The following CAST variants were observed in gnomAD, a reference collection of about 807,000 sequenced individuals.
CAST encodes calpastatin, also known as MIR583 host.
A neutral mutation model predicts 119.6 loss-of-function variants in CAST; 76 were observed. That is an observed-to-expected ratio of 0.64 (90% CI 0.53 to 0.77). CAST has a LOEUF of 0.77. Among genes scored for constraint, CAST ranks in the 30% least tolerant of loss-of-function variants. The pLI is 0.00. For missense variants in CAST, 953 were observed against 946.5 expected (o/e 1.01, Z -0.09); for synonymous variants, 319 against 331.6 (o/e 0.96, Z 0.41).
intron 1 of CAST, among the ~76,000 whole-genome samples, chr5:96,530,522 G>T (rs1022564817): frequency 3.9e-5 from 6 of 152,274 alleles, no homozygotes; most frequent in Non-Finnish European, 7.3e-5. Flanking sequence ...ATGCACAGTA[G>T]AGACCTGTTA....
the CAST span, among the ~76,000 whole-genome samples, chr5:96,266,270 A>C: frequency 2.6e-5 from 4 of 151,994 alleles, no homozygotes; most frequent in African/African-American, 9.7e-5. Context: ...ATTTCCCCCA[A>C]CCCATGGTTT....
At chr5:96,072,841 T>C in the CAST span, among the ~76,000 whole-genome samples, 1 of 152,292 alleles carries the variant, frequency 6.6e-6, no homozygotes, top group East Asian at 1.9e-4. Context: ...TGTGCACACA[T>C]ATAATTTCAA....
chr5:96,209,174 T>C, the CAST span, among the ~76,000 whole-genome samples: 1 of 152,022 alleles, frequency 6.6e-6, no homozygotes, highest in African/African-American at 2.4e-5. Context: ...ATTTGCTTGG[T>C]AGATTTTTTT....
the CAST span, among the ~76,000 whole-genome samples, chr5:96,331,832 C>T: frequency 2.6e-5 from 4 of 152,224 alleles, no homozygotes; most frequent in Admixed American, 2.0e-4. Flanking sequence ...GGATTAAATC[C>T]TTGTCTAACT....
intron 31 of CAST, chr5:96,772,373 A>AATC (rs2150820349): frequency 1.3e-5 from 2 of 153,106 alleles, no homozygotes; most frequent in African/African-American, 4.8e-5. Flanking sequence ...GCCTAAAAGA[A>AATC]ATCAAAGTAT....
At chr5:96,265,132 C>A in the CAST span, among the ~76,000 whole-genome samples, 1 of 152,074 alleles carries the variant, frequency 6.6e-6, no homozygotes, top group Non-Finnish European at 1.5e-5. Context: ...ACCAAGTTTC[C>A]TTTCTACCAG....
intron 6 of CAST, 130 bp downstream of exon 6, chr5:96,727,660 C>T (rs1759528326): frequency 1.9e-6 from 1 of 520,724 alleles, no homozygotes; most frequent in Non-Finnish European, 3.4e-6. Flanking sequence ...TTTTTAGACC[C>T]TTTTGAATGG....
At chr5:96,381,329 C>T in the CAST span, among the ~76,000 whole-genome samples, 287 of 152,026 alleles carry the variant, frequency 1.9e-3, no homozygotes, top group Non-Finnish European at 1.9e-3. Context: ...TTTTTAAATA[C>T]AGAAAGTTTC....
chr5:96,386,269 T>C, the CAST span, among the ~76,000 whole-genome samples: 1 of 152,218 alleles, frequency 6.6e-6, no homozygotes, highest in Non-Finnish European at 1.5e-5. Flanking sequence ...TAAACAATGA[T>C]TTTCTTTATT....
the CAST span, among the ~76,000 whole-genome samples, chr5:96,399,632 ATAGT>A: frequency 6.6e-6 from 1 of 152,240 alleles, no homozygotes; most frequent in African/African-American, 2.4e-5. Flanking sequence ...TTTTAAAAAA[ATAGT>A]TAAACATTGA....
At position 96,770,556 on chromosome 5, in the gene CAST, G is replaced by C. The variant is rs745478269; in HGVS notation, c.2294G>C (p.Ser765Thr). 1 of 1,613,034 alleles carries C rather than the reference G, an allele frequency of 6.2e-7. No homozygotes were observed. Among genetic ancestry groups the C allele is most frequent in the Non-Finnish European group, 8.5e-7 (1 of 1,179,194 alleles). Residue 765 changes from serine (S) to threonine (T), a missense_variant, in exon 30 of 32, where the codon AGC (serine) becomes ACC (threonine). Ser to Thr is a moderately conservative substitution (Grantham distance 58, BLOSUM62 1). Coordinates refer to ENST00000675179, the MANE Select transcript of CAST (RefSeq NM_001750.7). ...GATAAGTGCAAGAAGGCTGCTTCCA[G>C]CTCCAAAGCACCTAAGAATGGAGGT... is the stretch of plus-strand genomic sequence containing the variant. ...AKDKCKKAAS[S>T]SKAPKNGGKA...
intron 1 of CAST, among the ~76,000 whole-genome samples, chr5:96,537,968 T>A (rs1419268595): frequency 1.3e-5 from 2 of 152,254 alleles, no homozygotes; most frequent in Non-Finnish European, 2.9e-5. Flanking sequence ...GTAGCTTTCA[T>A]GCTTTCAGCC....
the CAST span, among the ~76,000 whole-genome samples, chr5:95,967,824 A>G: frequency 8.5e-4 from 129 of 152,358 alleles, no homozygotes; most frequent in African/African-American, 2.9e-3. Flanking sequence ...GCATGAGAAC[A>G]GACTAATACA....
chr5:96,022,708 A>T, the CAST span, among the ~76,000 whole-genome samples: 1 of 152,252 alleles, frequency 6.6e-6, no homozygotes, highest in East Asian at 1.9e-4. Context: ...ATACAAAGAG[A>T]CTTAGTTTAA....
At chr5:96,242,370 A>G in the CAST span, among the ~76,000 whole-genome samples, 59 of 152,208 alleles carry the variant, frequency 3.9e-4, 1 homozygote, top group African/African-American at 1.4e-3. Flanking sequence ...GCCTCAAGTG[A>G]TCTTCCCACC....
At chr5:96,690,334 C>T (rs150902001) in intron 2 of CAST, among the ~76,000 whole-genome samples, 5,003 of 152,126 alleles carry the variant, frequency 0.033, 113 homozygotes, top group South Asian at 0.081. Context: ...CAGGTTCAGG[C>T]GATTCTCCTA....
Position 96,662,392 on chromosome 5 carries a change from T to C in CAST, c.-31T>C, listed in dbSNP as rs1255741559. On this transcript the variant is annotated 5_prime_UTR_variant, in exon 1 of 32. Coordinates refer to ENST00000675179, the MANE Select transcript of CAST (RefSeq NM_001750.7). ...CTCCCCGCCACTCTCCGCGGCGCAT[T>C]CCGGGAGGCAGCGGCCGCAGCGGCC... 1.1e-4 allele frequency: 148 copies of C among 1,362,622 alleles called. No individual in the cohort carries two copies. Among genetic ancestry groups the C allele is most frequent in the Non-Finnish European group, 1.4e-4 (145 of 1,061,776 alleles). 84.4% of individuals were successfully genotyped at this position (1,362,622 alleles called of 1,614,324 possible). A position where few individuals can be genotyped will look rare whatever the true frequency, so the allele number is the denominator to read the frequency against.
chr5:96,400,141 G>A, the CAST span: 3 of 1,614,160 alleles, frequency 1.9e-6, no homozygotes, highest in South Asian at 1.1e-5. Flanking sequence ...CATACTCAGA[G>A]GTCCAGACAA....
chr5:96,104,776 T>G, the CAST span, among the ~76,000 whole-genome samples: 16 of 125,618 alleles, frequency 1.3e-4, no homozygotes, highest in African/African-American at 5.0e-4. Context: ...GTGAAGAAAG[T>G]CATTGGTAGC....
Sources: gnomAD v4.1 joint callset for allele counts (sites outside exome capture counted in the v4.1 genomes callset) on GRCh38, gnomAD v4.1.1 for gene constraint, MANE v1.5 for transcripts, NCBI Gene and HGNC (gene_info 2026-07-23, HGNC 2026-07-21) for gene names.